Variants in SNAP23 observed in about 807,000 individuals in gnomAD.
The protein encoded by SNAP23 is synaptosomal-associated protein 23.
In SNAP23, 11 loss-of-function variants were observed where a neutral mutation model predicts 29.0. The ratio of observed to expected loss-of-function variants is 0.38; its 90% confidence interval spans 0.24 to 0.63. The LOEUF (loss-of-function observed/expected upper bound fraction) is 0.63, where lower values mean the gene tolerates loss of function less well. Among genes scored for constraint, SNAP23 ranks in the 20% least tolerant of loss-of-function variants. The probability of loss-of-function intolerance (pLI) is 0.58; values close to 1 mark genes in which losing one functional copy is unlikely to be tolerated. For missense variants in SNAP23, 220 were observed against 253.9 expected (o/e 0.87, Z 0.91); for synonymous variants, 60 against 82.9 (o/e 0.72, Z 1.50).
upstream of SNAP23, among the ~76,000 whole-genome samples, chr15:42,494,374 G>C (rs1488713071): frequency 4.0e-5 from 6 of 148,254 alleles, no homozygotes; most frequent in Non-Finnish European, 8.9e-5. Flanking sequence ...CTTAGGAATA[G>C]ACTACTTACT....
At chr15:42,514,700 C>CTTT (rs869134157) in intron 4 of SNAP23, among the ~76,000 whole-genome samples, 2 of 115,138 alleles carry the variant, frequency 1.7e-5, no homozygotes, top group African/African-American at 3.2e-5. Context: ...ATACAAGATT[C>CTTT]TTTTTTTTTT....
At chr15:42,515,101 C>A (rs371078528) in intron 4 of SNAP23, 136 bp from the exon 5 acceptor site, 1 of 629,164 alleles carries the variant, frequency 1.6e-6, no homozygotes, top group African/African-American at 1.9e-5. Flanking sequence ...CTTCTAATAC[C>A]TTTTGACACT....
In SNAP23 at chr15:42,529,723, A is replaced by G. The variant is rs763410854; in HGVS notation, c.474A>G (p.Gln158=). ...ATGAAATGGAAGAGAACCTGACTCA[A>G]GTGGGCAGTATCCTGGGAAATCTAA... is the stretch of plus-strand genomic sequence containing the variant. The part of the protein sequence containing the change: ...REDEMEENLT[Q]VGSILGNLKD... Residue 158 remains glutamine (Q), a synonymous_variant, in exon 7 of 8, where the codon CAA becomes CAG. Transcript: ENST00000249647. 1 of 1,614,142 alleles carries G rather than the reference A, an allele frequency of 6.2e-7. No individual in the cohort carries two copies. The highest frequency in any genetic ancestry group is 1.3e-5 in the African/African-American group (1 of 75,066).
intron 1 of SNAP23, among the ~76,000 whole-genome samples, chr15:42,500,311 T>C (rs1183261709): frequency 5.9e-5 from 9 of 152,082 alleles, no homozygotes; most frequent in Non-Finnish European, 1.3e-4. Flanking sequence ...CTGAACTTTT[T>C]ATTCCATTAC....
chr15:42,518,512 C>T (rs1185169017), intron 5 of SNAP23, among the ~76,000 whole-genome samples: 1 of 150,180 alleles, frequency 6.7e-6, no homozygotes, highest in Non-Finnish European at 1.5e-5. Flanking sequence ...TGGCTCACTG[C>T]AGCCTCAACC....
chr15:42,525,906 G>A (rs528281496), intron 5 of SNAP23, among the ~76,000 whole-genome samples: 2 of 152,232 alleles, frequency 1.3e-5, no homozygotes, highest in Non-Finnish European at 1.5e-5. Context: ...ATTGTGGAAA[G>A]AAGAATTCTC....
At chr15:42,491,846 T>C (rs1396216392), upstream of SNAP23, among the ~76,000 whole-genome samples, 2 of 152,142 alleles carry the variant, frequency 1.3e-5, no homozygotes, top group Non-Finnish European at 2.9e-5. Flanking sequence ...CCTTCCAAAG[T>C]TCTGGGATTG....
intron 1 of SNAP23, among the ~76,000 whole-genome samples, chr15:42,506,268 C>T (rs1188663446): frequency 6.6e-6 from 1 of 151,308 alleles, no homozygotes; most frequent in Non-Finnish European, 1.5e-5. Flanking sequence ...TCTTTGGGGT[C>T]TTGCTCTGTC....
upstream of SNAP23, chr15:42,491,166 T>A (rs1298750477): frequency 6.6e-6 from 1 of 152,298 alleles, no homozygotes; most frequent in African/African-American, 2.4e-5. Context: ...CGCTTTTTTT[T>A]CCTTTGCCGT....
At chr15:42,492,197 C>G (rs1477646506), upstream of SNAP23, among the ~76,000 whole-genome samples, 1 of 152,072 alleles carries the variant, frequency 6.6e-6, no homozygotes, top group East Asian at 1.9e-4. Context: ...AGGTGTGAGC[C>G]ACCGCGCCCG....
At chr15:42,500,266 G>A (rs897696471) in intron 1 of SNAP23, among the ~76,000 whole-genome samples, 3 of 142,504 alleles carry the variant, frequency 2.1e-5, no homozygotes, top group Admixed American at 7.6e-5. Flanking sequence ...ATATTAGCAT[G>A]TATAATATTA....
intron 1 of SNAP23, among the ~76,000 whole-genome samples, chr15:42,503,660 A>G (rs550100254): frequency 6.6e-6 from 1 of 152,022 alleles, no homozygotes; most frequent in African/African-American, 2.4e-5. Context: ...GTGAGCCACC[A>G]TACCCGGCCT....
At chr15:42,525,407 T>C (rs995707663) in intron 5 of SNAP23, among the ~76,000 whole-genome samples, 1 of 147,020 alleles carries the variant, frequency 6.8e-6, no homozygotes, top group Non-Finnish European at 1.5e-5. Context: ...TTTTTGTGTC[T>C]TTTCCCCTTG....
chr15:42,521,197 G>GT (rs2057446230), intron 5 of SNAP23, among the ~76,000 whole-genome samples: 1 of 152,132 alleles, frequency 6.6e-6, no homozygotes, highest in Admixed American at 6.5e-5. Context: ...TTGTTGGCTG[G>GT]TGGGAGAGTT....
chr15:42,513,689 T>C (rs2057375885), intron 4 of SNAP23, among the ~76,000 whole-genome samples: 1 of 152,224 alleles, frequency 6.6e-6, no homozygotes, highest in African/African-American at 2.4e-5. Context: ...GCTTATTTTG[T>C]GTATTGGTTA....
At chr15:42,492,931 C>T (rs2057186086), upstream of SNAP23, 1 of 152,292 alleles carries the variant, frequency 6.6e-6, no homozygotes, top group Admixed American at 6.5e-5. Context: ...TGTAGAAGAC[C>T]ACAGTCAGAT....
chr15:42,511,166 C>G (rs1327133881), intron 1 of SNAP23, among the ~76,000 whole-genome samples: 1 of 152,148 alleles, frequency 6.6e-6, no homozygotes, highest in Non-Finnish European at 1.5e-5. Flanking sequence ...ATGAGATCTC[C>G]TTCTGAGTTA....
upstream of SNAP23, chr15:42,495,535 A>T (rs561731224): frequency 2.4e-4 from 36 of 152,290 alleles, no homozygotes; most frequent in African/African-American, 7.7e-4. Flanking sequence ...CGTGGCAGGG[A>T]CATTTAAACC....
intron 1 of SNAP23, among the ~76,000 whole-genome samples, chr15:42,499,947 C>T (rs2057254310): frequency 6.6e-6 from 1 of 151,952 alleles, no homozygotes; most frequent in Non-Finnish European, 1.5e-5. Context: ...AGTTTGAGAC[C>T]AGCCTGGGCA....
Sources: allele counts gnomAD v4.1 joint callset (sites outside exome capture counted in the v4.1 genomes callset), GRCh38; gene constraint gnomAD v4.1.1; transcripts MANE v1.5; gene names NCBI Gene and HGNC (gene_info 2026-07-23, HGNC 2026-07-21).